Variants in ANKFN1 observed in about 807,000 individuals in gnomAD.
The protein encoded by ANKFN1 is ankyrin repeat and fibronectin type III domain containing 1, also known as ankyrin repeat and fibronectin type-III domain-containing protein 1.
Under a neutral mutation model 108.7 loss-of-function variants are expected in ANKFN1, and 74 were observed. The ratio of observed to expected loss-of-function variants is 0.68; its 90% CI spans 0.56 to 0.83. The LOEUF (loss-of-function observed/expected upper bound fraction) is 0.83. Among genes scored for constraint, ANKFN1 ranks in the 40% least tolerant of loss-of-function variants. ANKFN1 has a pLI of 0.00. For missense variants in ANKFN1, 1,505 were observed against 1,382.3 expected (o/e 1.09, Z -1.41); for synonymous variants, 547 against 516.2 (o/e 1.06, Z -0.81).
chr17:56,237,635 T>C (rs868306697), intron 3 of ANKFN1, among the ~76,000 whole-genome samples: 2 of 152,204 alleles, frequency 1.3e-5, no homozygotes, highest in Non-Finnish European at 2.9e-5. Flanking sequence ...ACATCCTCTT[T>C]GTCATTTCTA....
intron 3 of ANKFN1, among the ~76,000 whole-genome samples, chr17:56,277,719 G>A (rs991700725): frequency 2.0e-5 from 3 of 152,128 alleles, no homozygotes; most frequent in African/African-American, 7.2e-5. Flanking sequence ...ACCCTTCAGA[G>A]TTTGAGTTTT....
intron 6 of ANKFN1, among the ~76,000 whole-genome samples, chr17:56,356,360 G>T (rs891050621): frequency 2.0e-5 from 3 of 152,156 alleles, no homozygotes; most frequent in Admixed American, 2.0e-4. Flanking sequence ...TCATCAAACT[G>T]TTAGTTTCAC....
At chr17:56,390,213 A>G (rs952069421) in intron 8 of ANKFN1, among the ~76,000 whole-genome samples, 2 of 150,198 alleles carry the variant, frequency 1.3e-5, no homozygotes, top group African/African-American at 4.9e-5. Flanking sequence ...CCACCCCTTG[A>G]CAGACCCCAA....
intron 4 of ANKFN1, among the ~76,000 whole-genome samples, chr17:56,139,717 T>C (rs1429014326): frequency 2.6e-5 from 4 of 152,198 alleles, no homozygotes; most frequent in Non-Finnish European, 2.9e-5. Flanking sequence ...CACTGTCTTT[T>C]TTCTGGCCCT....
chr17:56,247,150 T>C (rs745415921), intron 3 of ANKFN1, among the ~76,000 whole-genome samples: 2 of 152,190 alleles, frequency 1.3e-5, no homozygotes, highest in Non-Finnish European at 2.9e-5. Flanking sequence ...ACTCAGATAA[T>C]TGACAAATAA....
At chr17:56,474,677 A>C (rs757493113) in intron 15 of ANKFN1, among the ~76,000 whole-genome samples, 19 of 152,170 alleles carry the variant, frequency 1.2e-4, no homozygotes, top group Admixed American at 2.0e-4. Flanking sequence ...AAGTATCCCA[A>C]GGTGCATATC....
At position 56,209,628 on chromosome 17, in the gene ANKFN1, T is replaced by A. The variant is rs150536083; in HGVS notation, c.-70-2970T>A. 3.7e-3 allele frequency among the ~76,000 whole-genome samples: 569 copies of A among 152,320 alleles called. 5 individuals carry two copies. The highest frequency in any genetic ancestry group is 0.013 in the African/African-American group (547 of 41,562). On this transcript the variant is annotated intron_variant, in intron 1 of 20. Coordinates refer to ENST00000682825, the MANE Select transcript of ANKFN1 (RefSeq NM_001370326.1). The stretch of plus-strand genomic sequence containing the variant: ...CCAGATATGCATTTAATAAATAATA[T>A]CTTATATAAGAAATAAGCTGTATTG...
intron 3 of ANKFN1, among the ~76,000 whole-genome samples, chr17:56,292,895 A>G (rs921185226): frequency 6.6e-6 from 1 of 152,218 alleles, no homozygotes; most frequent in Admixed American, 6.5e-5. Context: ...TCACCTGCCC[A>G]TTATAATTAC....
chr17:56,220,045 C>T (rs1915726284), intron 2 of ANKFN1, among the ~76,000 whole-genome samples: 2 of 152,180 alleles, frequency 1.3e-5, no homozygotes, highest in African/African-American at 4.8e-5. Flanking sequence ...ACTTAGTATG[C>T]TGGTAAACTT....
intron 19 of ANKFN1, among the ~76,000 whole-genome samples, chr17:56,498,373 G>A (rs2051268477): frequency 6.6e-6 from 1 of 152,008 alleles, no homozygotes; most frequent in Admixed American, 6.6e-5. Context: ...CTGAAATTCA[G>A]GCTTTATCAT....
intron 5 of ANKFN1, among the ~76,000 whole-genome samples, chr17:56,352,101 G>A (rs1481197042): frequency 1.3e-5 from 2 of 152,132 alleles, no homozygotes; most frequent in Admixed American, 6.5e-5. Context: ...GGGAGGACTT[G>A]GCTGTGGTTA....
chr17:56,511,162 C>T lies in ANKFN1; in HGVS notation c.3334C>T (p.Pro1112Ser), dbSNP rs1372402649. 4.6e-6 allele frequency: 7 copies of T among 1,535,928 alleles called. No individual in the cohort carries two copies. The highest frequency in any genetic ancestry group is 4.4e-6 in the Non-Finnish European group (5 of 1,146,878). The change falls in exon 21 of 21, where the codon CCG (proline) becomes TCG (serine). Residue 1112 changes from proline (P) to serine (S), a missense_variant. Physicochemically the swap from Pro to Ser is moderately conservative, Grantham distance 74. Coordinates refer to ENST00000682825, the MANE Select transcript of ANKFN1 (RefSeq NM_001370326.1). ...QDEKPWASLSPPSGGRITLPS... is the reference protein window; with the variant it reads ...QDEKPWASLSSPSGGRITLPS... The stretch of plus-strand genomic sequence containing the variant: ...CGAAAAACCATGGGCAAGCTTGAGC[C>T]CGCCCTCTGGAGGCCGCATCACCCT...
At chr17:56,144,180 A>ACTC (rs2143407892) in intron 4 of ANKFN1, among the ~76,000 whole-genome samples, 4 of 123,950 alleles carry the variant, frequency 3.2e-5, no homozygotes, top group South Asian at 3.2e-4. Context: ...AAAAAAAAAA[A>ACTC]AAAAACAGCC....
chr17:56,095,370 C>A (rs1905514023), intron 4 of ANKFN1, among the ~76,000 whole-genome samples: 1 of 150,356 alleles, frequency 6.7e-6, no homozygotes, highest in Admixed American at 6.6e-5. Context: ...TAGCTCAGTG[C>A]AACCTTGAAC....
chr17:56,229,698 G>A (rs1388941370), intron 3 of ANKFN1, among the ~76,000 whole-genome samples: 1 of 149,636 alleles, frequency 6.7e-6, no homozygotes, highest in Admixed American at 6.7e-5. Context: ...AGGGGGGTTG[G>A]GGGGTGGCTA....
rs1567718483 is a variant in ANKFN1 at position 56,511,135 on chromosome 17, G to T, written c.3307G>T (p.Asp1103Tyr). The T allele has an allele frequency of 6.5e-7, 1 of 1,535,912 alleles. No homozygotes were observed. The highest frequency in any genetic ancestry group is 8.7e-7 in the Non-Finnish European group (1 of 1,146,878). Reference protein sequence around the residue: ...EPYAAAVVAQDEKPWASLSPP... With the variant: ...EPYAAAVVAQYEKPWASLSPP... ...CTACGCAGCGGCCGTGGTGGCCCAG[G>T]ACGAAAAACCATGGGCAAGCTTGAG... The change falls in exon 21 of 21, where the codon GAC (aspartate) becomes TAC (tyrosine). Residue 1103 changes from aspartate to tyrosine, a missense_variant. Transcript: ENST00000682825.
At chr17:56,174,171 A>ATTCATTTCC in intron 1 of ANKFN1, 1 of 985,458 alleles carries the variant, frequency 1.0e-6, no homozygotes. Flanking sequence ...TGGAGGCTGC[A>ATTCATTTCC]TTCATTTCCT....
chr17:56,414,930 G>A (rs2048196558), intron 8 of ANKFN1, among the ~76,000 whole-genome samples: 1 of 152,076 alleles, frequency 6.6e-6, no homozygotes, highest in Admixed American at 6.6e-5. Context: ...TGAGATGGGA[G>A]GATCACTTGC....
chr17:56,256,191 A>T (rs1041010118), intron 3 of ANKFN1, among the ~76,000 whole-genome samples: 14 of 152,342 alleles, frequency 9.2e-5, no homozygotes, highest in African/African-American at 3.1e-4. Context: ...GTTAGGAAAG[A>T]TTAATGAAAA....
Sources: allele counts gnomAD v4.1 joint callset (sites outside exome capture counted in the v4.1 genomes callset), GRCh38; gene constraint gnomAD v4.1.1; transcripts MANE v1.5; gene names NCBI Gene and HGNC (gene_info 2026-07-23, HGNC 2026-07-21).